The following HP1BP3 variants were observed in gnomAD, a reference collection of about 807,000 sequenced individuals.
HP1BP3 encodes the protein heterochromatin protein 1-binding protein 3.
A neutral mutation model predicts 62.5 loss-of-function variants in HP1BP3; 12 were observed. That is an observed-to-expected ratio of 0.19 (90% CI 0.12 to 0.31). HP1BP3 has a LOEUF of 0.31. Ranked by LOEUF, HP1BP3 falls within the 10% of genes least tolerant of loss-of-function variation. The probability of loss-of-function intolerance (pLI) is 1.00; values close to 1 mark genes in which losing one functional copy is unlikely to be tolerated. For synonymous variants in HP1BP3, 260 were observed against 237.8 expected, an observed-to-expected ratio of 1.09 and a Z score of -0.86; for missense variants, 502 against 651.8, an observed-to-expected ratio of 0.77 and a Z score of 2.50.
At chr1:20,780,837 T>G (rs2057510946) in intron 1 of HP1BP3, among the ~76,000 whole-genome samples, 1 of 152,184 alleles carries the variant, frequency 6.6e-6, no homozygotes. Context: ...ATCAGGAACT[T>G]AGAAGGATAG....
Position 20,764,690 on chromosome 1 carries a change from GGAA to G in HP1BP3, c.890+684_890+686del, listed in dbSNP as rs750474680. The stretch of plus-strand genomic sequence containing the variant: ...ACAAAGAAAGATAAGATTTGGGTTT[GGAA>G]AAAAAAAAAAAAAAACCACACAAAA... On this transcript the variant is annotated intron_variant, in intron 8 of 12. Coordinates refer to ENST00000438032, the MANE Select transcript of HP1BP3 (RefSeq NM_001372052.1). 4.8e-3 allele frequency among the ~76,000 whole-genome samples: 627 copies of G among 130,344 alleles called. 6 individuals carry two copies. The highest frequency in any genetic ancestry group is 0.013 in the African/African-American group (469 of 35,476). 85.5% of individuals were successfully genotyped at this position (130,344 alleles called of 152,430 possible). A position where few individuals can be genotyped will look rare whatever the true frequency, so the allele number is the denominator to read the frequency against.
At chr1:20,770,789 C>G (rs1015134382) in intron 6 of HP1BP3, 141 bp downstream of exon 6, 1 of 626,062 alleles carries the variant, frequency 1.6e-6, no homozygotes, top group Non-Finnish European at 2.6e-6. Flanking sequence ...TCAGATAATT[C>G]AACTAGGTTA....
At position 20,753,397 on chromosome 1, in the gene HP1BP3, A is replaced by G. The variant is rs1032400864; in HGVS notation, c.982-3515T>C. 2.0e-5 allele frequency among the ~76,000 whole-genome samples: 3 copies of G among 152,348 alleles called. No individual in the cohort carries two copies. In the South Asian group the frequency reaches 6.2e-4, roughly 32 times the overall value. On this transcript the variant is annotated intron_variant, in intron 9 of 12. Transcript: ENST00000438032. ...GCCAATGATAAAATTCAACCTTTCA[A>G]GAGAAAATTTAAATCCTGAAAAACT...
chr1:20,740,345 G>T lies in HP1BP3; in HGVS notation c.*4452C>A, dbSNP rs2055049086. 6.6e-6 allele frequency among the ~76,000 whole-genome samples: 1 copy of T among 152,168 alleles called. No individual in the cohort carries two copies. The highest frequency in any genetic ancestry group is 1.5e-5 in the Non-Finnish European group (1 of 68,040). The stretch of plus-strand genomic sequence containing the variant: ...TACAATATCAGGAAAAAAAAGAGTT[G>T]TAATTTTTGAGGAAAATCGCTTCAG... On this transcript the variant is annotated 3_prime_UTR_variant, in exon 13 of 13. Coordinates refer to ENST00000438032, the MANE Select transcript of HP1BP3 (RefSeq NM_001372052.1).
rs1300235104 is a variant in HP1BP3, at chr1:20,744,904, G to A, written c.1555C>T (p.Pro519Ser). 2 of 1,614,058 alleles carry A rather than the reference G, an allele frequency of 1.2e-6. No individual in the cohort carries two copies. Among genetic ancestry groups the A allele is most frequent in the East Asian group, 2.2e-5 (1 of 44,892 alleles). The change falls in exon 13 of 13, where the codon CCT (proline) becomes TCT (serine). Residue 519 changes from proline (P) to serine (S), a missense_variant. Transcript: ENST00000438032. ...GGCTTCTTTGAGGAGCCACCACTAGGTTTCTTGATGACTGTGGATGAGGGT... is the reference window on the plus strand; with the variant it reads ...GGCTTCTTTGAGGAGCCACCACTAGATTTCTTGATGACTGTGGATGAGGGT... ...TRPSSTVIKK[P>S]SGGSSKKPAT... is the part of the protein sequence containing the mutation.
intron 11 of HP1BP3, among the ~76,000 whole-genome samples, chr1:20,746,464 C>T (rs2055342117): frequency 6.6e-6 from 1 of 151,932 alleles, no homozygotes; most frequent in Non-Finnish European, 1.5e-5. Context: ...TATGTTTGTA[C>T]AGAAATAATA....
intron 5 of HP1BP3, among the ~76,000 whole-genome samples, chr1:20,771,642 C>T (rs2057065053): frequency 6.6e-6 from 1 of 152,198 alleles, no homozygotes; most frequent in African/African-American, 2.4e-5. Flanking sequence ...CCATTTCCAT[C>T]CTATTTTACT....
intron 6 of HP1BP3, among the ~76,000 whole-genome samples, chr1:20,768,462 A>G (rs1301035404): frequency 1.3e-5 from 2 of 151,996 alleles, no homozygotes; most frequent in Non-Finnish European, 2.9e-5. Flanking sequence ...CAAACAAACA[A>G]TTTTTTAGCC....
chr1:20,784,591 C>T (rs1475049473), intron 1 of HP1BP3, among the ~76,000 whole-genome samples: 4 of 151,804 alleles, frequency 2.6e-5, no homozygotes. Context: ...ATTCTCCTGC[C>T]TCAGCCTCCT....
chr1:20,751,785 A>T (rs1178303918), intron 9 of HP1BP3, among the ~76,000 whole-genome samples: 2 of 152,052 alleles, frequency 1.3e-5, no homozygotes, highest in Admixed American at 6.6e-5. Flanking sequence ...TACATAGCAT[A>T]CTTTGAAAAT....
intron 6 of HP1BP3, among the ~76,000 whole-genome samples, chr1:20,769,037 A>C (rs528777968): frequency 8.3e-4 from 127 of 152,306 alleles, no homozygotes; most frequent in African/African-American, 3.0e-3. Flanking sequence ...GTTACACAAC[A>C]GGTCCTTGGC....
chr1:20,780,330 T>C lies in HP1BP3; in HGVS notation c.96+15A>G, dbSNP rs1487912921. ...TTGATCCAAGAGTGAGCTTCAAGAA[T>C]GTGTCAGCCCCTACCTCACCTAACT... On this transcript the variant is annotated intron_variant, in intron 2 of 12. Transcript: ENST00000438032. The C allele has an allele frequency of 2.5e-6, 4 of 1,584,368 alleles. No homozygotes were observed. The highest frequency in any genetic ancestry group is 2.2e-5 in the East Asian group (1 of 44,740).
chr1:20,746,804 C>T (rs2055367492), intron 11 of HP1BP3, among the ~76,000 whole-genome samples: 1 of 152,118 alleles, frequency 6.6e-6, no homozygotes, highest in Admixed American at 6.5e-5. Flanking sequence ...CTGCTTGAGC[C>T]AGGAGTTCAA....
chr1:20,775,734 T>A, intron 4 of HP1BP3: 1 of 385,938 alleles, frequency 2.6e-6, no homozygotes, highest in Non-Finnish European at 4.6e-6. Context: ...CGTTGTGTTA[T>A]AACTGCCTAC....
intron 6 of HP1BP3, among the ~76,000 whole-genome samples, chr1:20,768,274 G>A (rs899134627): frequency 5.3e-5 from 8 of 151,952 alleles, no homozygotes; most frequent in Admixed American, 6.6e-5. Context: ...GTGAAACCCC[G>A]TCTCTACTAA....
chr1:20,778,216 TTCAG>T (rs2057387726), intron 3 of HP1BP3, among the ~76,000 whole-genome samples: 1 of 152,236 alleles, frequency 6.6e-6, no homozygotes, highest in Admixed American at 6.5e-5. Flanking sequence ...CTTAATAAAG[TTCAG>T]TCACTCAACA....
chr1:20,747,111 G>T (rs550457699), intron 11 of HP1BP3, among the ~76,000 whole-genome samples: 5 of 152,288 alleles, frequency 3.3e-5, no homozygotes, highest in Middle Eastern at 3.4e-3. Flanking sequence ...ACCATCCGAG[G>T]ATCTCAAATA....
rs1035736485 is a variant in HP1BP3 at position 20,787,301 on chromosome 1, G to C, written c.-207C>G. ...CCGCTGTCCTCCAGTCCCAGCCGCCGAGCTCTGCCGCCCCGCCCCCCTACC... is the reference window on the plus strand; with the variant it reads ...CCGCTGTCCTCCAGTCCCAGCCGCCCAGCTCTGCCGCCCCGCCCCCCTACC... On this transcript the variant is annotated 5_prime_UTR_variant, in exon 1 of 13. Coordinates refer to ENST00000438032, the MANE Select transcript of HP1BP3 (RefSeq NM_001372052.1). 1 of 149,732 alleles carries C rather than the reference G, an allele frequency of 6.7e-6. No individual in the cohort carries two copies. Among genetic ancestry groups the C allele is most frequent in the African/African-American group, 2.4e-5 (1 of 41,102 alleles). The allele number at this position is 149,732 out of a possible 1,614,324, so 9.3% of individuals were successfully genotyped here.
intron 1 of HP1BP3, among the ~76,000 whole-genome samples, chr1:20,782,331 C>G (rs1040635132): frequency 2.0e-5 from 3 of 151,842 alleles, no homozygotes; most frequent in African/African-American, 7.3e-5. Context: ...CACCTGTAAT[C>G]CCAGCACTTT....
Sources: gnomAD v4.1 joint callset for allele counts (sites outside exome capture counted in the v4.1 genomes callset) on GRCh38, gnomAD v4.1.1 for gene constraint, MANE v1.5 for transcripts, NCBI Gene and HGNC (gene_info 2026-07-23, HGNC 2026-07-21) for gene names.